TCF7L1: variants seen among roughly 807,000 people sequenced by gnomAD.
TCF7L1 encodes transcription factor 7 like 1.
A neutral mutation model predicts 63.7 loss-of-function variants in TCF7L1; 18 were observed. The observed-to-expected ratio is 0.28, with a 90% CI of 0.20 to 0.42. The LOEUF (loss-of-function observed/expected upper bound fraction) is 0.42, where lower values mean the gene tolerates loss of function less well. Ranked by LOEUF, TCF7L1 falls within the 10% of genes least tolerant of loss-of-function variation. TCF7L1 has a pLI of 1.00. For missense variants in TCF7L1, 654 were observed against 779.3 expected (o/e 0.84, Z 1.91); for synonymous variants, 355 against 340.9 (o/e 1.04, Z -0.46).
intron 3 of TCF7L1, among the ~76,000 whole-genome samples, chr2:85,230,421 C>T (rs181797601): frequency 6.6e-6 from 1 of 151,598 alleles, no homozygotes; most frequent in East Asian, 1.9e-4. Flanking sequence ...GCAACCTCCA[C>T]CTCCTGGGTT....
chr2:85,259,069 C>G lies in TCF7L1; in HGVS notation c.442-24426C>G, dbSNP rs146166741. Among the ~76,000 whole-genome samples, 1,361 of 152,300 alleles carry G rather than the reference C, an allele frequency of 8.9e-3. 15 individuals carry two copies. Among genetic ancestry groups the G allele is most frequent in the African/African-American group, 0.031 (1,300 of 41,552 alleles). ...ACATTTACCATTTGGGACAGAAGCC[C>G]TGTCCTCCCTACCTATAGCTGAGGC... On this transcript the variant is annotated intron_variant, in intron 3 of 11. Coordinates refer to ENST00000282111, the MANE Select transcript of TCF7L1 (RefSeq NM_031283.3).
At chr2:85,267,330 CAAAAAAA>C (rs1217663362) in intron 3 of TCF7L1, among the ~76,000 whole-genome samples, 7 of 44,178 alleles carry the variant, frequency 1.6e-4, no homozygotes, top group African/African-American at 5.0e-4. Context: ...GGCTCTGTCT[CAAAAAAA>C]AAAAAAAAAA....
chr2:85,302,784 A>G (rs768057800), intron 5 of TCF7L1, among the ~76,000 whole-genome samples, 168 bp downstream of exon 5: 2 of 150,454 alleles, frequency 1.3e-5, no homozygotes, highest in African/African-American at 4.9e-5. Flanking sequence ...TTTTTTTTTC[A>G]TCTGTGCCTC....
At chr2:85,161,444 G>GTGCTTCGGGGCCGGTGGAGC (rs776380183) in intron 3 of TCF7L1, among the ~76,000 whole-genome samples, 1 of 152,206 alleles carries the variant, frequency 6.6e-6, no homozygotes, top group Admixed American at 6.5e-5. Flanking sequence ...AGCAAGGGAG[G>GTGCTTCGGGGCCGGTGGAGC]TGCTTCGGGG....
At chr2:85,273,513 C>A (rs1681202141) in intron 3 of TCF7L1, among the ~76,000 whole-genome samples, 1 of 152,192 alleles carries the variant, frequency 6.6e-6, no homozygotes, top group Non-Finnish European at 1.5e-5. Context: ...GTTTGATAAC[C>A]TTGTATGGGC....
intron 3 of TCF7L1, among the ~76,000 whole-genome samples, chr2:85,231,314 A>G (rs200156731): frequency 6.6e-6 from 1 of 152,230 alleles, no homozygotes; most frequent in African/African-American, 2.4e-5. Flanking sequence ...ACTCCTGAGT[A>G]GCTCTAGAAG....
chr2:85,155,796 C>A (rs1678129011), intron 3 of TCF7L1, among the ~76,000 whole-genome samples: 1 of 151,962 alleles, frequency 6.6e-6, no homozygotes, highest in African/African-American at 2.4e-5. Context: ...CAGTTACCCA[C>A]CAGGCCCGTC....
At chr2:85,143,122 AATGAGCTCACACTC>A (rs1190421130) in intron 3 of TCF7L1, among the ~76,000 whole-genome samples, 1 of 152,344 alleles carries the variant, frequency 6.6e-6, no homozygotes, top group East Asian at 1.9e-4. Context: ...CAGGACAGGA[AATGAGCTCACACTC>A]ATGCTCTCAA....
intron 11 of TCF7L1, among the ~76,000 whole-genome samples, chr2:85,308,412 T>TCCCCCCCCC (rs1184046149): frequency 1.0e-5 from 1 of 96,738 alleles, no homozygotes; most frequent in Non-Finnish European, 2.0e-5. Context: ...TCCCTCCCTT[T>TCCCCCCCCC]CCCCTTCCCT....
intron 3 of TCF7L1, among the ~76,000 whole-genome samples, chr2:85,215,517 G>A (rs904834846): frequency 2.0e-5 from 3 of 152,208 alleles, no homozygotes; most frequent in African/African-American, 7.2e-5. Context: ...AGCCTTTGCT[G>A]GTTCTCAGAG....
At chr2:85,173,025 G>C (rs552447425) in intron 3 of TCF7L1, among the ~76,000 whole-genome samples, 1 of 152,202 alleles carries the variant, frequency 6.6e-6, no homozygotes, top group Admixed American at 6.5e-5. Flanking sequence ...CCCAAGAAAC[G>C]TTTCTAAAAG....
At chr2:85,193,224 C>T (rs888875727) in intron 3 of TCF7L1, among the ~76,000 whole-genome samples, 6 of 152,150 alleles carry the variant, frequency 3.9e-5, no homozygotes, top group African/African-American at 7.2e-5. Flanking sequence ...GGCCAAGTGA[C>T]TTGTCCAATC....
In TCF7L1 at chr2:85,222,069, C is replaced by T. The variant is rs142785249; in HGVS notation, c.442-61426C>T. Among the ~76,000 whole-genome samples, 12 of 152,212 alleles carry T rather than the reference C, an allele frequency of 7.9e-5. No homozygotes were observed. The East Asian group carries it at 1.9e-3, about 24-fold the overall frequency. On this transcript the variant is annotated intron_variant, in intron 3 of 11. Transcript: ENST00000282111. ...ATAAAAGACTAAAGGTGGCCAGATGCGGTGGCTCATGCCTATAATCCCAGC... is the reference window on the plus strand; with the variant it reads ...ATAAAAGACTAAAGGTGGCCAGATGTGGTGGCTCATGCCTATAATCCCAGC...
In TCF7L1 at chr2:85,134,758, G is replaced by C. The variant is rs866570270; in HGVS notation, c.441+308G>C. Among the ~76,000 whole-genome samples the C allele has an allele frequency of 6.6e-6, 1 of 152,180 alleles. No homozygotes were observed. The highest frequency in any genetic ancestry group is 2.1e-4 in the South Asian group (1 of 4,830). On this transcript the variant is annotated intron_variant, in intron 3 of 11. Coordinates refer to ENST00000282111, the MANE Select transcript of TCF7L1 (RefSeq NM_031283.3). The surrounding 1 kb of genome is among the most constrained non-coding windows in gnomAD (Gnocchi z 5.0). ...GAAACTTGGATTTGTGCCCGCTTTG[G>C]GGGGGTCTCGCTTTCCTTCTTGGAA...
intron 3 of TCF7L1, among the ~76,000 whole-genome samples, chr2:85,281,901 C>T (rs1255911315): frequency 1.3e-5 from 2 of 152,194 alleles, no homozygotes; most frequent in Non-Finnish European, 2.9e-5. Flanking sequence ...CTTCCCATCG[C>T]CCTCCTGCTC....
At position 85,281,701 on chromosome 2, in the gene TCF7L1, C is replaced by T. The variant is rs1036934669; in HGVS notation, c.442-1794C>T. ...AAGACTGTCCTAATTCATAGGGCTT[C>T]GTTCCCACTTCCCACCAGGTCTCCC... is the stretch of plus-strand genomic sequence containing the variant. On this transcript the variant is annotated intron_variant, in intron 3 of 11. Transcript: ENST00000282111. 3.3e-5 allele frequency among the ~76,000 whole-genome samples: 5 copies of T among 152,152 alleles called. 1 individual carries two copies. The highest frequency in any genetic ancestry group is 3.3e-4 in the Admixed American group (5 of 15,286).
At chr2:85,173,445 C>T (rs1239548645) in intron 3 of TCF7L1, among the ~76,000 whole-genome samples, 1 of 152,146 alleles carries the variant, frequency 6.6e-6, no homozygotes, top group East Asian at 1.9e-4. Context: ...TAGAAGCACT[C>T]TGCGGGGAGG....
At chr2:85,230,967 C>T (rs930243403) in intron 3 of TCF7L1, among the ~76,000 whole-genome samples, 2 of 152,108 alleles carry the variant, frequency 1.3e-5, no homozygotes, top group African/African-American at 4.8e-5. Context: ...TTGGACAGAT[C>T]CCTGTGTCTT....
chr2:85,212,555 C>T (rs542960030), intron 3 of TCF7L1, among the ~76,000 whole-genome samples: 1 of 152,246 alleles, frequency 6.6e-6, no homozygotes, highest in Non-Finnish European at 1.5e-5. Flanking sequence ...TTTAGAGGAC[C>T]TGTCTTTTGA....
Sources: allele counts gnomAD v4.1 joint callset (sites outside exome capture counted in the v4.1 genomes callset), GRCh38; gene constraint gnomAD v4.1.1; non-coding constraint Gnocchi (gnomAD v3.1); transcripts MANE v1.5; gene names NCBI Gene and HGNC (gene_info 2026-07-23, HGNC 2026-07-21).